Variants in NAV2 observed in about 807,000 individuals in gnomAD.
NAV2 encodes neuron navigator 2, also known as helicase, APC down-regulated 1.
In NAV2, 54 loss-of-function variants were observed where a neutral mutation model predicts 223.2. The ratio of observed to expected loss-of-function variants is 0.24; its 90% CI spans 0.19 to 0.30. NAV2 has a LOEUF of 0.30. Among genes scored for constraint, NAV2 ranks in the 10% least tolerant of loss-of-function variants. The probability of loss-of-function intolerance (pLI) is 1.00; values close to 1 mark genes in which losing one functional copy is unlikely to be tolerated. For synonymous variants in NAV2, 1,279 were observed against 1,239.3 expected (o/e 1.03, Z -0.67); for missense variants, 2,806 against 3,147.5 (o/e 0.89, Z 2.60).
intron 20 of NAV2, among the ~76,000 whole-genome samples, chr11:20,065,707 A>C (rs1017579117): frequency 6.6e-6 from 1 of 152,238 alleles, no homozygotes; most frequent in Admixed American, 6.5e-5. Flanking sequence ...AGTGACAGAC[A>C]GTGGCAGAGG....
intron 1 of NAV2, among the ~76,000 whole-genome samples, chr11:19,667,134 C>T (rs1404002506): frequency 1.3e-5 from 2 of 152,132 alleles, no homozygotes; most frequent in Admixed American, 6.5e-5. Context: ...GCAATACTGT[C>T]CCCATTGTCA....
chr11:19,985,720 G>T (rs1372451622), intron 11 of NAV2, among the ~76,000 whole-genome samples: 1 of 151,970 alleles, frequency 6.6e-6, no homozygotes, highest in Non-Finnish European at 1.5e-5. Flanking sequence ...GAGATTATAG[G>T]CGTGTACCAG....
At chr11:19,512,419 G>A (rs1330199499) in intron 1 of NAV2, among the ~76,000 whole-genome samples, 1 of 152,180 alleles carries the variant, frequency 6.6e-6, no homozygotes, top group South Asian at 2.1e-4. Context: ...AAATGCCTCC[G>A]AGGTGCCAAC....
At chr11:19,582,483 G>C (rs1459228378) in intron 1 of NAV2, among the ~76,000 whole-genome samples, 1 of 152,162 alleles carries the variant, frequency 6.6e-6, no homozygotes, top group Non-Finnish European at 1.5e-5. Context: ...TTCTTCTAGG[G>C]TTTTTATGGT....
At chr11:20,002,299 G>T (rs557031856) in intron 11 of NAV2, among the ~76,000 whole-genome samples, 71 of 152,316 alleles carry the variant, frequency 4.7e-4, no homozygotes, top group African/African-American at 1.7e-3. Context: ...CATAGTACTT[G>T]CTGGGAACTC....
intron 1 of NAV2, among the ~76,000 whole-genome samples, chr11:19,800,184 C>T (rs754732698): frequency 2.5e-4 from 38 of 152,352 alleles, no homozygotes; most frequent in Non-Finnish European, 4.6e-4. Flanking sequence ...GCTAGATTGA[C>T]GTTCCTCCCT....
chr11:19,531,404 G>A (rs2134429325), intron 1 of NAV2, among the ~76,000 whole-genome samples: 1 of 152,332 alleles, frequency 6.6e-6, no homozygotes, highest in Non-Finnish European at 1.5e-5. Context: ...CAGGGGGCCA[G>A]TTAGGAGGCA....
chr11:19,401,810 G>T (rs1849698259), intron 1 of NAV2: 1 of 152,098 alleles, frequency 6.6e-6, no homozygotes, highest in East Asian at 1.9e-4. Context: ...CACTCCTTTG[G>T]GGCCACAGAC....
At chr11:19,836,013 T>C (rs2060207978) in intron 2 of NAV2, among the ~76,000 whole-genome samples, 1 of 152,148 alleles carries the variant, frequency 6.6e-6, no homozygotes, top group Non-Finnish European at 1.5e-5. Flanking sequence ...GTTGTCTTCC[T>C]TTCTGGGTTC....
chr11:20,021,692 C>T (rs567849649), intron 11 of NAV2, among the ~76,000 whole-genome samples: 2 of 152,294 alleles, frequency 1.3e-5, no homozygotes, highest in Non-Finnish European at 2.9e-5. Context: ...CTGCCCACCC[C>T]CACCTCTGCT....
intron 1 of NAV2, among the ~76,000 whole-genome samples, chr11:19,818,370 A>C (rs2059214184): frequency 6.6e-6 from 1 of 151,122 alleles, no homozygotes; most frequent in African/African-American, 2.4e-5. Flanking sequence ...TCCTTCTACC[A>C]AGACTGATTT....
intron 16 of NAV2, among the ~76,000 whole-genome samples, chr11:20,050,692 C>A (rs961713752): frequency 3.9e-5 from 6 of 152,186 alleles, no homozygotes; most frequent in Non-Finnish European, 7.3e-5. Context: ...ACTTCATCAG[C>A]CAGCAAGTTG....
At chr11:20,068,258 A>C in intron 21 of NAV2, 49 bp downstream of exon 21, 1 of 1,611,634 alleles carries the variant, frequency 6.2e-7, no homozygotes, top group Non-Finnish European at 8.5e-7. Flanking sequence ...ATTGTCAATT[A>C]TTTGACCCTG....
chr11:19,348,279 C>T (rs550631798), upstream of NAV2, among the ~76,000 whole-genome samples: 53 of 152,230 alleles, frequency 3.5e-4, no homozygotes, highest in Middle Eastern at 3.4e-3. Context: ...GAGGCAGCCC[C>T]GATGGAGAAG....
chr11:19,990,504 G>A (rs1271089350), intron 11 of NAV2, among the ~76,000 whole-genome samples: 1 of 152,052 alleles, frequency 6.6e-6, no homozygotes, highest in East Asian at 1.9e-4. Context: ...TTTAAGAAGG[G>A]CACCCTAAAA....
intron 1 of NAV2, among the ~76,000 whole-genome samples, chr11:19,392,880 T>C (rs1343404989): frequency 6.6e-6 from 1 of 152,218 alleles, no homozygotes; most frequent in Non-Finnish European, 1.5e-5. Flanking sequence ...TTATCTTTCT[T>C]ATTTACAATT....
rs1412952938 is a variant in NAV2 at position 20,062,295 on chromosome 11, T to C, written c.4832-12T>C. ...CCATCTATCAATTCACCTTTTTTTTTTCTTTTAATAGTTCATGGATCCTCA... is the reference window on the plus strand; with the variant it reads ...CCATCTATCAATTCACCTTTTTTTTCTCTTTTAATAGTTCATGGATCCTCA... On this transcript the variant is annotated splice_polypyrimidine_tract_variant and intron_variant, in intron 19 of 37. Transcript: ENST00000349880. 16 of 1,602,650 alleles carry C rather than the reference T, an allele frequency of 1.0e-5. No homozygotes were observed. The highest frequency in any genetic ancestry group is 1.2e-5 in the Non-Finnish European group (14 of 1,176,750).
intron 1 of NAV2, among the ~76,000 whole-genome samples, chr11:19,617,483 A>G (rs1392517450): frequency 1.3e-5 from 2 of 152,226 alleles, no homozygotes; most frequent in African/African-American, 4.8e-5. Context: ...ATTCTGTACT[A>G]AAGAGGACAG....
chr11:19,893,449 A>G (rs1459450414), intron 6 of NAV2, among the ~76,000 whole-genome samples: 1 of 151,938 alleles, frequency 6.6e-6, no homozygotes, highest in Non-Finnish European at 1.5e-5. Context: ...GTGTTTCTCT[A>G]TTTCCCTGAC....
Sources: allele counts gnomAD v4.1 joint callset (sites outside exome capture counted in the v4.1 genomes callset), GRCh38; gene constraint gnomAD v4.1.1; transcripts MANE v1.5; gene names NCBI Gene and HGNC (gene_info 2026-07-23, HGNC 2026-07-21).